Variants in ZC3HC1 observed in about 807,000 individuals in gnomAD.
The protein encoded by ZC3HC1 is zinc finger C3HC-type containing 1.
In ZC3HC1, 38 loss-of-function variants were observed where a neutral mutation model predicts 61.9. That is an observed-to-expected ratio of 0.61 (90% CI 0.47 to 0.81). The LOEUF (loss-of-function observed/expected upper bound fraction) is 0.81, where lower values mean the gene tolerates loss of function less well. Ranked by LOEUF, ZC3HC1 falls within the 30% of genes least tolerant of loss-of-function variation. The pLI is 0.00. For missense variants in ZC3HC1, 554 were observed against 622.7 expected (o/e 0.89, Z 1.17); for synonymous variants, 213 against 229.9 (o/e 0.93, Z 0.67).
In ZC3HC1 at chr7:130,020,356, T is replaced by A. The variant is rs372878748; in HGVS notation, c.1441-1624A>T. Among the ~76,000 whole-genome samples the A allele has an allele frequency of 2.0e-5, 3 of 149,094 alleles. No homozygotes were observed. The South Asian group carries it at 6.4e-4, about 32-fold the overall frequency. ...AGTGCGATCTCGGCTCACTGCAACC[T>A]CCACCTCCCAATTCTCCTGCCTCAG... is the stretch of plus-strand genomic sequence containing the variant. On this transcript the variant is annotated intron_variant, in intron 9 of 9. Coordinates refer to ENST00000358303, the MANE Select transcript of ZC3HC1 (RefSeq NM_016478.5).
intron 6 of ZC3HC1, 125 bp from the exon 7 acceptor site, chr7:130,024,631 C>A: frequency 9.2e-7 from 1 of 1,090,726 alleles, no homozygotes; most frequent in Admixed American, 2.9e-5. Context: ...CTATCAGAGC[C>A]TCTGTGCTCC....
At chr7:130,044,423 G>A (rs1794793560) in intron 2 of ZC3HC1, among the ~76,000 whole-genome samples, 1 of 152,124 alleles carries the variant, frequency 6.6e-6, no homozygotes, top group Non-Finnish European at 1.5e-5. Flanking sequence ...GATAAGCCGA[G>A]AACAACTTGT....
At chr7:130,029,240 G>A (rs1169182534) in intron 4 of ZC3HC1, among the ~76,000 whole-genome samples, 1 of 151,998 alleles carries the variant, frequency 6.6e-6, no homozygotes, top group African/African-American at 2.4e-5. Context: ...CAGGCATGGT[G>A]GCGCGTGCCT....
At chr7:130,037,601 C>T (rs560807039) in intron 4 of ZC3HC1, among the ~76,000 whole-genome samples, 8 of 152,270 alleles carry the variant, frequency 5.3e-5, no homozygotes, top group Non-Finnish European at 1.0e-4. Context: ...CCTTATTATA[C>T]AATCATCTTC....
chr7:130,033,184 A>C (rs959258658), intron 4 of ZC3HC1, among the ~76,000 whole-genome samples: 2 of 152,026 alleles, frequency 1.3e-5, no homozygotes, highest in African/African-American at 2.4e-5. Flanking sequence ...AGGTATGCGT[A>C]ACCATGCCCA....
chr7:130,038,274 G>A lies in ZC3HC1; in HGVS notation c.493+1190C>T, dbSNP rs542167469. ...CTTCCCAGACAGGCAGCCTGTGGCT[G>A]TAATGACACCCTTACTTCAGTGCTG... On this transcript the variant is annotated intron_variant, in intron 4 of 9. Transcript: ENST00000358303. Among the ~76,000 whole-genome samples the A allele has an allele frequency of 3.3e-5, 5 of 152,324 alleles. No homozygotes were observed. In the East Asian group the frequency reaches 7.7e-4, roughly 24 times the overall value.
Position 130,051,359 on chromosome 7 carries a change from G to A in ZC3HC1, c.8C>T (p.Ala3Val), listed in dbSNP as rs753974295. ...GGCAAACGCTTGTCCCTCACAGGGC[G>A]CCGCCATCTTGGTCCGCTGCCGAGT... is the stretch of plus-strand genomic sequence containing the variant. The part of the protein sequence containing the change: MA[A>V]PCEGQAFAVG... Residue 3 changes from alanine (A) to valine (V), a missense_variant, in exon 1 of 10, where the codon GCG becomes GTG. Physicochemically the swap from Ala to Val is moderately conservative, Grantham distance 64 (BLOSUM62 0). Transcript: ENST00000358303. The A allele has an allele frequency of 1.9e-6, 3 of 1,612,354 alleles. No individual in the cohort carries two copies. The highest frequency in any genetic ancestry group is 2.2e-5 in the East Asian group (1 of 44,732).
At chr7:130,035,257 G>A (rs766255737) in intron 4 of ZC3HC1, among the ~76,000 whole-genome samples, 17 of 152,002 alleles carry the variant, frequency 1.1e-4, no homozygotes, top group African/African-American at 1.7e-4. Flanking sequence ...AGGTGGTAGC[G>A]GCATGCACCT....
intron 8 of ZC3HC1, among the ~76,000 whole-genome samples, chr7:130,022,766 T>A (rs1188996151): frequency 6.6e-6 from 1 of 152,134 alleles, no homozygotes; most frequent in Non-Finnish European, 1.5e-5. Context: ...AGGCCATGGA[T>A]GGGTACCAGG....
chr7:130,022,451 A>C lies in ZC3HC1; in HGVS notation c.1308T>G (p.Leu436=). ...CACCATTCTCCCTGCTTTCTTTGCC[A>C]AGTGTGATATTCACCCAAGGGCACC... is the stretch of plus-strand genomic sequence containing the variant. ...RDWCPWVNIT[L]GKESRENGGT... Residue 436 remains leucine (L), a synonymous_variant, in exon 9 of 10, where the codon CTT becomes CTG. Coordinates refer to ENST00000358303, the MANE Select transcript of ZC3HC1 (RefSeq NM_016478.5). 1 of 1,611,902 alleles carries C rather than the reference A, an allele frequency of 6.2e-7. No homozygotes were observed. The highest frequency in any genetic ancestry group is 8.5e-7 in the Non-Finnish European group (1 of 1,178,906).
intron 1 of ZC3HC1, among the ~76,000 whole-genome samples, chr7:130,050,195 A>G (rs1042440520): frequency 1.3e-4 from 20 of 151,850 alleles, no homozygotes; most frequent in Admixed American, 6.6e-4. Context: ...CTCCTGCCTC[A>G]GCCTCCCGAG....
rs980957453 is a variant in ZC3HC1, at chr7:130,018,514, ACACT to A, written c.*146_*149del. The A allele has an allele frequency of 1.3e-5, 8 of 638,854 alleles. No homozygotes were observed. The Admixed American group carries it at 1.6e-4, about 13-fold the overall frequency. 39.6% of individuals were successfully genotyped at this position (638,854 alleles called of 1,614,324 possible). A position where few individuals can be genotyped will look rare whatever the true frequency, so the allele number is the denominator to read the frequency against. ...TCTCTCAGCCAGATGCAGATAGTTGACACTCACTGCCTTTGCTATGGCAGGGGGC... is the reference window on the plus strand; with the variant it reads ...TCTCTCAGCCAGATGCAGATAGTTGACACTGCCTTTGCTATGGCAGGGGGC... On this transcript the variant is annotated 3_prime_UTR_variant, in exon 10 of 10. Coordinates refer to ENST00000358303, the MANE Select transcript of ZC3HC1 (RefSeq NM_016478.5).
intron 5 of ZC3HC1, chr7:130,026,941 G>A (rs910928183): frequency 1.3e-4 from 19 of 144,450 alleles, no homozygotes; most frequent in African/African-American, 4.9e-4. Flanking sequence ...CTGCACTCCA[G>A]CCTGGGCGAA....
chr7:130,023,580 AG>A lies in ZC3HC1; in HGVS notation c.1163del (p.Pro388LeufsTer45). 6.2e-7 allele frequency: 1 copy of A among 1,614,122 alleles called. No individual in the cohort carries two copies. ...GAGGGCTAGATGGTACCTCCAGGCCAGGGGTGTCTCCTGTTCCCATGCTTCG... is the reference window on the plus strand; with the variant it reads ...GAGGGCTAGATGGTACCTCCAGGCCAGGGTGTCTCCTGTTCCCATGCTTCG... ...VTRSMGTGDT[P>X]GLEVPSSPLR... On this transcript the variant is annotated frameshift_variant, in exon 8 of 10. Transcript: ENST00000358303. LOFTEE classifies it high-confidence loss of function. The surrounding 1 kb of genome is among the most constrained non-coding windows in gnomAD (Gnocchi z 4.2).
intron 4 of ZC3HC1, among the ~76,000 whole-genome samples, chr7:130,036,286 G>A (rs1028095990): frequency 1.3e-5 from 2 of 152,174 alleles, no homozygotes; most frequent in Non-Finnish European, 2.9e-5. Context: ...GGGAGGCAGA[G>A]GCAGGTGGAT....
chr7:130,040,859 T>G (rs1236921474), intron 3 of ZC3HC1, 92 bp downstream of exon 3: 1 of 1,326,328 alleles, frequency 7.5e-7, no homozygotes, highest in Admixed American at 2.6e-5. Flanking sequence ...CATTTTTTGA[T>G]CAAACTAAAA....
At chr7:130,018,972 T>C (rs866701081) in intron 9 of ZC3HC1, among the ~76,000 whole-genome samples, 4 of 152,140 alleles carry the variant, frequency 2.6e-5, no homozygotes, top group African/African-American at 7.2e-5. Flanking sequence ...CCTTCAGGCA[T>C]CTGTATCTGT....
rs1793723820 is a variant in ZC3HC1, at chr7:130,023,170, T to C, written c.1233+341A>G. 3.3e-6 allele frequency: 1 copy of C among 300,646 alleles called. No homozygotes were observed. The highest frequency in any genetic ancestry group is 6.2e-6 in the Non-Finnish European group (1 of 160,490). 18.6% of individuals were successfully genotyped at this position (300,646 alleles called of 1,614,324 possible). On this transcript the variant is annotated intron_variant, in intron 8 of 9. Transcript: ENST00000358303. This position sits in a 1 kb window ranked among gnomAD's most constrained non-coding sequence, Gnocchi z 4.2. ...TGCTCGTATCATCCCGAAACCATCC[T>C]CCCAACCGTGGTCCGTGGAAAAATG... is the stretch of plus-strand genomic sequence containing the variant.
chr7:130,021,941 G>A (rs528463188), intron 9 of ZC3HC1, among the ~76,000 whole-genome samples: 7 of 152,244 alleles, frequency 4.6e-5, no homozygotes, highest in Admixed American at 2.6e-4. Context: ...TTGGGAGGCC[G>A]AGGCGGGGGG....
Sources: gnomAD v4.1 joint callset for allele counts (sites outside exome capture counted in the v4.1 genomes callset) on GRCh38, gnomAD v4.1.1 for gene constraint, Gnocchi (gnomAD v3.1) non-coding constraint, MANE v1.5 for transcripts, NCBI Gene and HGNC (gene_info 2026-07-23, HGNC 2026-07-21) for gene names.